LRRC51: variants seen among roughly 807,000 people sequenced by gnomAD.
The protein encoded by LRRC51 is leucine rich repeat containing 51.
A neutral mutation model predicts 17.8 loss-of-function variants in LRRC51; 8 were observed. The ratio of observed to expected loss-of-function variants is 0.45; its 90% confidence interval spans 0.26 to 0.81. LRRC51 has a LOEUF of 0.81. Among genes scored for constraint, LRRC51 ranks in the 30% least tolerant of loss-of-function variants. LRRC51 has a pLI of 0.17. For missense variants in LRRC51, 233 were observed against 239.3 expected, an observed-to-expected ratio of 0.97 and a Z score of 0.17; for synonymous variants, 92 against 96.0, an observed-to-expected ratio of 0.96 and a Z score of 0.24.
In LRRC51 at chr11:72,088,859, G is replaced by C. The variant is rs577908928; in HGVS notation, c.-55-170G>C. The C allele has an allele frequency of 1.6e-5, 11 of 684,800 alleles. No homozygotes were observed. The East Asian group carries it at 3.2e-4, about 20-fold the overall frequency. 42.4% of individuals were successfully genotyped at this position (684,800 alleles called of 1,614,324 possible). On this transcript the variant is annotated intron_variant, in intron 2 of 5. Transcript: ENST00000289488. ...AGATGTGAAGGTGCTCTGAGAAGTA[G>C]AAAGTGCTCTATACATGCAAGGATG... is the stretch of plus-strand genomic sequence containing the variant.
intron 1 of LRRC51, among the ~76,000 whole-genome samples, chr11:72,081,191 C>T (rs1319738603): frequency 6.6e-6 from 1 of 152,172 alleles, no homozygotes; most frequent in Non-Finnish European, 1.5e-5. Context: ...GAGACCAAGG[C>T]GGGCGGACCA....
chr11:72,088,256 T>C (rs970669048), intron 1 of LRRC51, 41 bp from the exon 2 acceptor site: 13 of 657,562 alleles, frequency 2.0e-5, no homozygotes, highest in African/African-American at 3.6e-5. Context: ...TCACACCACA[T>C]TGCAAGTGAC....
In LRRC51 at chr11:72,095,798, C is replaced by T. The variant is rs1443471904; in HGVS notation, c.*278C>T. ...AGAGATTCTCCTGCCTCAGCCTCCC[C>T]AGTAGCTGTGATTAAAGGCGCCTGC... On this transcript the variant is annotated 3_prime_UTR_variant, in exon 6 of 6. Transcript: ENST00000289488. The T allele has an allele frequency of 1.6e-6, 1 of 618,548 alleles. No individual in the cohort carries two copies. The highest frequency in any genetic ancestry group is 2.0e-5 in the South Asian group (1 of 50,664). 38.3% of individuals were successfully genotyped at this position (618,548 alleles called of 1,614,324 possible). A position where few individuals can be genotyped will look rare whatever the true frequency, so the allele number is the denominator to read the frequency against.
intron 2 of LRRC51, chr11:72,088,739 T>G: frequency 1.9e-6 from 1 of 513,438 alleles, no homozygotes; most frequent in Non-Finnish European, 3.5e-6. Flanking sequence ...CTGGCTTAAC[T>G]CTGGGCAAGT....
rs200241625 is a variant in LRRC51 at position 72,095,676 on chromosome 11, C to CTT, written c.*169_*170dup. The CTT allele has an allele frequency of 2.1e-3, 2,700 of 1,273,314 alleles. No homozygotes were observed. Among genetic ancestry groups the CTT allele is most frequent in the East Asian group, 4.7e-3 (162 of 34,580 alleles). The allele number at this position is 1,273,314 out of a possible 1,614,324, so 78.9% of individuals were successfully genotyped here. A position where few individuals can be genotyped will look rare whatever the true frequency, so the allele number is the denominator to read the frequency against. On this transcript the variant is annotated 3_prime_UTR_variant, in exon 6 of 6. Transcript: ENST00000289488. ...GCAAGTAGCTCTAGCCTTTTCTTTTCTTTTTTTTTTTTTTGAGACGGAGTC... is the reference window on the plus strand; with the variant it reads ...GCAAGTAGCTCTAGCCTTTTCTTTTCTTTTTTTTTTTTTTTTGAGACGGAGTC...
chr11:72,088,393 T>C lies in LRRC51; in HGVS notation c.-56+13T>C, dbSNP rs998429781. ...CCATCAGTGACAGGTGAGTGAGAGG[T>C]AGACTCTGGTTTTGTGTGTGTGTAT... On this transcript the variant is annotated intron_variant, in intron 2 of 5. Coordinates refer to ENST00000289488, the MANE Select transcript of LRRC51 (RefSeq NM_145309.6). 4 of 702,234 alleles carry C rather than the reference T, an allele frequency of 5.7e-6. No individual in the cohort carries two copies. The highest frequency in any genetic ancestry group is 2.0e-5 in the Admixed American group (1 of 49,958). 43.5% of individuals were successfully genotyped at this position (702,234 alleles called of 1,614,324 possible). A position where few individuals can be genotyped will look rare whatever the true frequency, so the allele number is the denominator to read the frequency against.
In LRRC51 at chr11:72,093,778, CAT is replaced by C; in HGVS notation, c.288+78_288+79del. ...TCAGCCCCCAACCTCTCCACTCCTA[CAT>C]GTTATCAAGGAAGTAATGAGGCAGC... On this transcript the variant is annotated intron_variant, in intron 4 of 5. Coordinates refer to ENST00000289488, the MANE Select transcript of LRRC51 (RefSeq NM_145309.6). 4.5e-6 allele frequency: 6 copies of C among 1,324,888 alleles called. No homozygotes were observed. In the Middle Eastern group the frequency reaches 1.0e-3, roughly 224 times the overall value. The allele number at this position is 1,324,888 out of a possible 1,614,324, so 82.1% of individuals were successfully genotyped here.
intron 2 of LRRC51, 191 bp from the exon 3 acceptor site, chr11:72,088,838 G>A: frequency 1.7e-6 from 1 of 593,042 alleles, no homozygotes; most frequent in Non-Finnish European, 2.9e-6. Flanking sequence ...TCTAAGAGAT[G>A]TGAAGGTGCT....
At chr11:72,085,015 T>C (rs944135315) in intron 1 of LRRC51, among the ~76,000 whole-genome samples, 5 of 152,130 alleles carry the variant, frequency 3.3e-5, no homozygotes, top group Non-Finnish European at 7.3e-5. Context: ...TATTCATCTA[T>C]CATATTAGCT....
chr11:72,084,211 C>A (rs1279719786), intron 1 of LRRC51, among the ~76,000 whole-genome samples: 2 of 152,090 alleles, frequency 1.3e-5, no homozygotes, highest in Non-Finnish European at 2.9e-5. Context: ...TTTCCACCAT[C>A]AGTCCATCAT....
At chr11:72,088,870 A>T (rs1944690337) in intron 2 of LRRC51, 159 bp from the exon 3 acceptor site, 1 of 787,076 alleles carries the variant, frequency 1.3e-6, no homozygotes, top group Non-Finnish European at 2.0e-6. Flanking sequence ...AAAGTGCTCT[A>T]TACATGCAAG....
chr11:72,085,573 G>A (rs1359839336), intron 1 of LRRC51: 2 of 152,120 alleles, frequency 1.3e-5, no homozygotes, highest in Non-Finnish European at 2.9e-5. Context: ...TAGTTCTCAA[G>A]GTAGGGTTTG....
At chr11:72,093,733 GGAGCCTGAAGC>G in intron 4 of LRRC51, 32 bp downstream of exon 4, 1 of 1,605,626 alleles carries the variant, frequency 6.2e-7, no homozygotes, top group East Asian at 2.2e-5. Flanking sequence ...TCCAGTCAGG[GGAGCCTGAAGC>G]CACTTTGTTC....
chr11:72,092,047 C>CA (rs1326229257), intron 3 of LRRC51, among the ~76,000 whole-genome samples: 1 of 152,234 alleles, frequency 6.6e-6, no homozygotes, highest in Non-Finnish European at 1.5e-5. Flanking sequence ...ACTCCCTGAA[C>CA]ATCTTTAAAC....
chr11:72,095,172 A>G, intron 5 of LRRC51, 76 bp downstream of exon 5: 2 of 1,584,998 alleles, frequency 1.3e-6, no homozygotes, highest in Non-Finnish European at 1.7e-6. Context: ...CAAGAAATCT[A>G]CGACCATTCT....
intron 2 of LRRC51, 42 bp from the exon 3 acceptor site, chr11:72,088,987 A>G: frequency 6.2e-7 from 1 of 1,606,080 alleles, no homozygotes; most frequent in Non-Finnish European, 8.5e-7. Context: ...GAAACCTGAA[A>G]GCCGGTGTAC....
chr11:72,086,479 T>A, intron 1 of LRRC51: 1 of 701,782 alleles, frequency 1.4e-6, no homozygotes, highest in Non-Finnish European at 2.6e-6. Flanking sequence ...CAGCTTAGCA[T>A]CAACTCTTCT....
chr11:72,094,554 G>A (rs1591163084), intron 4 of LRRC51: 2 of 610,868 alleles, frequency 3.3e-6, no homozygotes, highest in Non-Finnish European at 5.8e-6. Context: ...CTGGTGTGGT[G>A]ATCTCAATTT....
At position 72,095,112 on chromosome 11, in the gene LRRC51, C is replaced by G. The variant is rs1188995330; in HGVS notation, c.437+16C>G. On this transcript the variant is annotated intron_variant, in intron 5 of 5. Transcript: ENST00000289488. ...AAGGGTATAGGTAAGTGCCCTGCCC[C>G]TGGAGGTAGCGTCTAGCTGGGCTCC... 6.2e-7 allele frequency: 1 copy of G among 1,612,436 alleles called. No individual in the cohort carries two copies. The highest frequency in any genetic ancestry group is 1.3e-5 in the African/African-American group (1 of 74,926).
Sources: allele counts gnomAD v4.1 joint callset (sites outside exome capture counted in the v4.1 genomes callset), GRCh38; gene constraint gnomAD v4.1.1; transcripts MANE v1.5; gene names NCBI Gene and HGNC (gene_info 2026-07-23, HGNC 2026-07-21).